The following MTIF2 variants were observed in gnomAD, a reference collection of about 807,000 sequenced individuals.
MTIF2 encodes mitochondrial translational initiation factor 2, also known as translation initiation factor IF-2, mitochondrial.
In MTIF2, 71 loss-of-function variants were observed where a neutral mutation model predicts 83.5. The ratio of observed to expected loss-of-function variants is 0.85; its 90% CI spans 0.70 to 1.04. The LOEUF (loss-of-function observed/expected upper bound fraction) is 1.04, where lower values mean the gene tolerates loss of function less well. MTIF2 is among the 50% of genes least tolerant of loss of function. The pLI is 0.00. For missense variants in MTIF2, 957 were observed against 846.5 expected (o/e 1.13, Z -1.62); for synonymous variants, 319 against 287.1 (o/e 1.11, Z -1.12).
chr2:55,243,146 C>A (rs993278224), intron 12 of MTIF2, 66 bp from the exon 13 acceptor site: 4 of 1,458,794 alleles, frequency 2.7e-6, no homozygotes, highest in Non-Finnish European at 3.7e-6. Context: ...ATAAAAATGA[C>A]AATAATCTAT....
At chr2:55,262,028 T>C (rs977960117) in intron 5 of MTIF2, among the ~76,000 whole-genome samples, 4 of 150,284 alleles carry the variant, frequency 2.7e-5, no homozygotes, top group Non-Finnish European at 4.4e-5. Context: ...TCTAAAAACA[T>C]TCTTTGGATT....
At chr2:55,258,766 C>T (rs905727572) in intron 5 of MTIF2, among the ~76,000 whole-genome samples, 8 of 144,356 alleles carry the variant, frequency 5.5e-5, no homozygotes, top group African/African-American at 2.1e-4. Flanking sequence ...GAGCTGAGAT[C>T]GTATCACTGC....
intron 5 of MTIF2, among the ~76,000 whole-genome samples, chr2:55,260,119 G>T (rs990744620): frequency 6.6e-6 from 1 of 152,010 alleles, no homozygotes; most frequent in African/African-American, 2.4e-5. Flanking sequence ...TGCCAAACAG[G>T]CCAGGGATGG....
chr2:55,259,275 T>C (rs1014342983), intron 5 of MTIF2, among the ~76,000 whole-genome samples: 2 of 152,164 alleles, frequency 1.3e-5, no homozygotes, highest in African/African-American at 2.4e-5. Context: ...CTAATGTATA[T>C]AGTAGTTAAA....
chr2:55,263,656 A>C lies in MTIF2; in HGVS notation c.203T>G (p.Leu68Arg). Residue 68 changes from leucine (L) to arginine (R), a missense_variant, in exon 4 of 16, where the codon CTT becomes CGT. Coordinates refer to ENST00000263629, the MANE Select transcript of MTIF2 (RefSeq NM_002453.3). ...LTGAALSQYR[L>R]LVTKKEEGPW... is the part of the protein sequence containing the mutation. ...TGTAACTACCTTTTTTGTTACTAGA[A>C]GCCTATACTGAGATAAAGCAGCCCC... 6.2e-7 allele frequency: 1 copy of C among 1,610,150 alleles called. No individual in the cohort carries two copies. Among genetic ancestry groups the C allele is most frequent in the Non-Finnish European group, 8.5e-7 (1 of 1,178,796 alleles).
chr2:55,253,354 T>A (rs749934738), intron 7 of MTIF2, among the ~76,000 whole-genome samples: 9 of 152,314 alleles, frequency 5.9e-5, no homozygotes, highest in Non-Finnish European at 1.2e-4. Flanking sequence ...ACTCATTAAA[T>A]CAAACTAAGA....
intron 14 of MTIF2, among the ~76,000 whole-genome samples, chr2:55,239,551 T>C (rs1676146282): frequency 6.6e-6 from 1 of 152,158 alleles, no homozygotes; most frequent in African/African-American, 2.4e-5. Context: ...TGAGGTGATT[T>C]AATCAATTTT....
chr2:55,257,541 T>C (rs7586391), intron 5 of MTIF2, among the ~76,000 whole-genome samples: 2,536 of 151,300 alleles, frequency 0.017, 85 homozygotes, highest in African/African-American at 0.06. Flanking sequence ...TAAAAGAACA[T>C]CCTATTCACT....
chr2:55,253,090 T>C (rs905157709), intron 7 of MTIF2, among the ~76,000 whole-genome samples: 2 of 152,158 alleles, frequency 1.3e-5, no homozygotes, highest in African/African-American at 4.8e-5. Context: ...GCTATGCTAC[T>C]TACTGGCTAT....
At position 55,239,997 on chromosome 2, in the gene MTIF2, C is replaced by T; in HGVS notation, c.1870+14G>A. ...TATACTAATTTTTAAAAGTAACATT[C>T]AGTGATCACTCACCTACTGGGTGCT... On this transcript the variant is annotated intron_variant, in intron 14 of 15. Coordinates refer to ENST00000263629, the MANE Select transcript of MTIF2 (RefSeq NM_002453.3). The T allele has an allele frequency of 1.3e-6, 2 of 1,589,122 alleles. No individual in the cohort carries two copies. Among genetic ancestry groups the T allele is most frequent in the Non-Finnish European group, 1.7e-6 (2 of 1,164,462 alleles).
intron 5 of MTIF2, among the ~76,000 whole-genome samples, chr2:55,256,493 G>T (rs1677546047): frequency 6.6e-6 from 1 of 151,718 alleles, no homozygotes; most frequent in Admixed American, 6.6e-5. Flanking sequence ...AGATCACGAG[G>T]TCAGGAGTTC....
At chr2:55,241,899 G>C (rs1053161259) in intron 13 of MTIF2, among the ~76,000 whole-genome samples, 1 of 152,116 alleles carries the variant, frequency 6.6e-6, no homozygotes, top group African/African-American at 2.4e-5. Context: ...TGTAATTCCA[G>C]CACTTTGGGA....
At chr2:55,257,847 G>A (rs1387301668) in intron 5 of MTIF2, among the ~76,000 whole-genome samples, 1 of 152,180 alleles carries the variant, frequency 6.6e-6, no homozygotes, top group Non-Finnish European at 1.5e-5. Context: ...CCTGGCTGGA[G>A]TGCAGTGGCA....
At chr2:55,249,831 C>T (rs1410147745) in intron 8 of MTIF2, among the ~76,000 whole-genome samples, 3 of 152,100 alleles carry the variant, frequency 2.0e-5, no homozygotes, top group Non-Finnish European at 4.4e-5. Context: ...GTGGCTCATG[C>T]CTGTAATCCT....
chr2:55,254,803 C>A lies in MTIF2; in HGVS notation c.354G>T (p.Leu118Phe). 1 of 1,592,178 alleles carries A rather than the reference C, an allele frequency of 6.3e-7. No homozygotes were observed. The part of the protein sequence containing the change: ...KNTDYVYEAL[L>F]NTDIDIDSLE... ...GTGAATCTATGTCAATATCAGTGTT[C>A]AATAAAGCTTCATATACATAATCTG... The change falls in exon 6 of 16, where the codon TTG becomes TTT. Residue 118 changes from leucine to phenylalanine, a missense_variant. Around this residue, in one of 3 missense-constraint regions of MTIF2, gnomAD observed 733 missense variants for 648.7 expected, o/e 1.13. Transcript: ENST00000263629.
chr2:55,249,636 C>T, intron 8 of MTIF2, 102 bp from the exon 9 acceptor site: 2 of 1,406,530 alleles, frequency 1.4e-6, no homozygotes, highest in Non-Finnish European at 1.9e-6. Context: ...TCTCTTTATT[C>T]AGTGGATGTT....
intron 15 of MTIF2, 75 bp downstream of exon 15, chr2:55,237,213 G>C: frequency 6.9e-7 from 1 of 1,459,782 alleles, no homozygotes; most frequent in Non-Finnish European, 9.3e-7. Context: ...AAGATGAACA[G>C]ATTTCAGATG....
chr2:55,239,526 A>G (rs540150973), intron 14 of MTIF2, among the ~76,000 whole-genome samples: 3 of 152,260 alleles, frequency 2.0e-5, no homozygotes, highest in African/African-American at 7.2e-5. Flanking sequence ...CTACGTGGGG[A>G]GGAAAAAAAA....
intron 14 of MTIF2, among the ~76,000 whole-genome samples, chr2:55,238,287 G>A (rs751611698): frequency 2.6e-5 from 4 of 151,740 alleles, no homozygotes; most frequent in Non-Finnish European, 5.9e-5. Context: ...AAAGTCCTCG[G>A]ATGACACGCT....
Sources: gnomAD v4.1 joint callset for allele counts (sites outside exome capture counted in the v4.1 genomes callset) on GRCh38, gnomAD v4.1.1 for gene constraint, gnomAD v4.1.1 regional missense constraint, MANE v1.5 for transcripts, NCBI Gene and HGNC (gene_info 2026-07-23, HGNC 2026-07-21) for gene names.